EYS: variants seen among roughly 807,000 people sequenced by gnomAD.
EYS encodes the protein protein eyes shut homolog.
A neutral mutation model predicts 282.1 loss-of-function variants in EYS; 250 were observed. That is an observed-to-expected ratio of 0.89 (90% CI 0.80 to 0.98). EYS has a LOEUF of 0.98. Ranked by LOEUF, EYS falls within the 50% of genes least tolerant of loss-of-function variation. EYS has a pLI of 0.00. For missense variants in EYS, 4,016 were observed against 3,709.0 expected (o/e 1.08, Z -2.15); for synonymous variants, 1,355 against 1,282.9 (o/e 1.06, Z -1.20).
At chr6:65,470,397 A>G (rs2127238424) in intron 5 of EYS, among the ~76,000 whole-genome samples, 1 of 152,296 alleles carries the variant, frequency 6.6e-6, no homozygotes, top group Admixed American at 6.5e-5. Context: ...CTCAATAAAT[A>G]GAACTTATTA....
chr6:65,649,605 A>T (rs1389269793), intron 1 of EYS, among the ~76,000 whole-genome samples: 1 of 152,240 alleles, frequency 6.6e-6, no homozygotes, highest in Non-Finnish European at 1.5e-5. Flanking sequence ...TGCAAAATAG[A>T]ACTCCATTTG....
chr6:64,879,816 G>A (rs1766859447), intron 19 of EYS, among the ~76,000 whole-genome samples: 1 of 151,990 alleles, frequency 6.6e-6, no homozygotes, highest in Non-Finnish European at 1.5e-5. Flanking sequence ...GATAAGCTAA[G>A]TTTTAATTAT....
At chr6:64,512,004 A>G (rs1223762310) in intron 26 of EYS, among the ~76,000 whole-genome samples, 2 of 152,096 alleles carry the variant, frequency 1.3e-5, no homozygotes, top group Non-Finnish European at 1.5e-5. Context: ...CAACTTTTCT[A>G]TACCTTGTCC....
intron 18 of EYS, among the ~76,000 whole-genome samples, chr6:64,889,513 G>A (rs1350060381): frequency 6.6e-6 from 1 of 151,870 alleles, no homozygotes; most frequent in African/African-American, 2.4e-5. Flanking sequence ...GGGAAGTCAG[G>A]GACCCCAAAT....
chr6:63,847,374 C>T (rs557720454), intron 36 of EYS, among the ~76,000 whole-genome samples: 2 of 152,152 alleles, frequency 1.3e-5, no homozygotes, highest in South Asian at 4.2e-4. Context: ...GAAATACTTT[C>T]CCTCTCTCCC....
intron 22 of EYS, among the ~76,000 whole-genome samples, chr6:64,695,275 C>T (rs546851704): frequency 5.9e-5 from 9 of 152,202 alleles, no homozygotes; most frequent in African/African-American, 2.2e-4. Context: ...GCAGCTGACT[C>T]CCACCTGAAA....
At chr6:63,802,472 A>G (rs567929039) in intron 37 of EYS, among the ~76,000 whole-genome samples, 48 of 152,260 alleles carry the variant, frequency 3.2e-4, no homozygotes, top group Middle Eastern at 6.8e-3. Flanking sequence ...AATTAAAAAA[A>G]AAAACAAATA....
intron 22 of EYS, among the ~76,000 whole-genome samples, chr6:64,812,320 T>C (rs192819331): frequency 6.6e-6 from 1 of 151,842 alleles, no homozygotes; most frequent in African/African-American, 2.4e-5. Flanking sequence ...AATGGCATGT[T>C]AGGCAATGTG....
chr6:64,625,288 G>T (rs1352517734), intron 23 of EYS, among the ~76,000 whole-genome samples: 1 of 152,126 alleles, frequency 6.6e-6, no homozygotes, highest in Non-Finnish European at 1.5e-5. Flanking sequence ...CAAAGGTAGA[G>T]ATGGCCAAAA....
At chr6:64,239,064 C>G (rs1172284630) in intron 30 of EYS, among the ~76,000 whole-genome samples, 1 of 152,150 alleles carries the variant, frequency 6.6e-6, no homozygotes, top group African/African-American at 2.4e-5. Flanking sequence ...CATCCATGTC[C>G]CTGCAAAGGA....
chr6:65,405,490 C>A (rs1331224946), intron 5 of EYS, 123 bp from the exon 6 acceptor site: 2 of 769,866 alleles, frequency 2.6e-6, no homozygotes, highest in Admixed American at 2.6e-5. Context: ...TTTTATTTAA[C>A]AAATGTATTG....
chr6:64,571,611 A>G (rs1765728025), intron 26 of EYS, among the ~76,000 whole-genome samples: 3 of 152,250 alleles, frequency 2.0e-5, no homozygotes, highest in African/African-American at 7.2e-5. Flanking sequence ...CACTGATCCC[A>G]CAGAAATACA....
chr6:64,739,688 C>A (rs1772302112), intron 22 of EYS, among the ~76,000 whole-genome samples: 1 of 152,056 alleles, frequency 6.6e-6, no homozygotes, highest in Non-Finnish European at 1.5e-5. Context: ...TGATTGCTTT[C>A]CTGAATAATA....
At position 64,886,796 on chromosome 6, in the gene EYS, G is replaced by A; in HGVS notation, c.2893C>T (p.Leu965Phe). The A allele has an allele frequency of 6.5e-7, 1 of 1,546,162 alleles. No individual in the cohort carries two copies. Among genetic ancestry groups the A allele is most frequent in the Non-Finnish European group, 8.7e-7 (1 of 1,143,806 alleles). Residue 965 changes from leucine (L) to phenylalanine (F), a missense_variant, in exon 19 of 43, where the codon CTT becomes TTT. Physicochemically the swap from Leu to Phe is conservative, Grantham distance 22. Transcript: ENST00000503581. ...GAGATTTTACATTTATTTACATCAA[G>A]TTCACAGAAGGGCCCATGGTACTCA... The part of the protein sequence containing the change: ...EPEYHGPFCE[L>F]DVNKCKISPC...
Position 65,124,589 on chromosome 6 carries a change from CTGCATTAAATCATAGTGACAGT to C in EYS, c.2024-66884_2024-66863del, listed in dbSNP as rs565544357. 7.7e-4 allele frequency among the ~76,000 whole-genome samples: 118 copies of C among 152,278 alleles called. 1 individual carries two copies. The highest frequency in any genetic ancestry group is 2.7e-3 in the African/African-American group (111 of 41,566). ...CATTACTTCTCCTGACTACATCAAT[CTGCATTAAATCATAGTGACAGT>C]TGCATTAAATCATAGTGACTGTTAC... On this transcript the variant is annotated intron_variant, in intron 12 of 42. Coordinates refer to ENST00000503581, the MANE Select transcript of EYS (RefSeq NM_001142800.2).
chr6:63,804,444 C>T lies in EYS; in HGVS notation c.7411+1746G>A, dbSNP rs148622596. Among the ~76,000 whole-genome samples the T allele has an allele frequency of 3.8e-3, 586 of 152,322 alleles. 3 individuals are homozygous for T. Among genetic ancestry groups the T allele is most frequent in the African/African-American group, 0.012 (510 of 41,570 alleles). Reference sequence around the variant, plus strand: ...ATAGAGGCACAAAGACATTAAGTAACTTGACACATAATTTGCACATGGTGG... The same window carrying T: ...ATAGAGGCACAAAGACATTAAGTAATTTGACACATAATTTGCACATGGTGG... On this transcript the variant is annotated intron_variant, in intron 37 of 42. Transcript: ENST00000503581.
intron 41 of EYS, among the ~76,000 whole-genome samples, chr6:63,747,161 G>A (rs532920474): frequency 6.6e-6 from 1 of 152,192 alleles, no homozygotes; most frequent in South Asian, 2.1e-4. Flanking sequence ...TGTTCTCACT[G>A]GTTTCAAAGA....
chr6:65,362,210 T>G (rs1157432034), intron 8 of EYS, among the ~76,000 whole-genome samples: 4 of 152,138 alleles, frequency 2.6e-5, no homozygotes, highest in Admixed American at 2.0e-4. Context: ...TCAATAGGTA[T>G]TTATTGTAAG....
intron 5 of EYS, among the ~76,000 whole-genome samples, chr6:65,432,441 A>G (rs1767920851): frequency 6.6e-6 from 1 of 152,132 alleles, no homozygotes; most frequent in Admixed American, 6.5e-5. Flanking sequence ...TTAGATGCAG[A>G]CGAGTATTAC....
Sources: allele counts gnomAD v4.1 joint callset (sites outside exome capture counted in the v4.1 genomes callset), GRCh38; gene constraint gnomAD v4.1.1; transcripts MANE v1.5; gene names NCBI Gene and HGNC (gene_info 2026-07-23, HGNC 2026-07-21).